SPEN: variants seen among roughly 807,000 people sequenced by gnomAD.
The protein encoded by SPEN is msx2-interacting protein.
In SPEN, 18 loss-of-function variants were observed where a neutral mutation model predicts 269.9. The ratio of observed to expected loss-of-function variants is 0.07; its 90% confidence interval spans 0.05 to 0.10. The LOEUF is 0.10. Ranked by LOEUF, SPEN falls within the 10% of genes least tolerant of loss-of-function variation. SPEN has a pLI of 1.00. For missense variants in SPEN, 3,822 were observed against 4,631.2 expected (o/e 0.83, Z 5.07); for synonymous variants, 1,726 against 1,765.7 (o/e 0.98, Z 0.56).
Position 15,937,004 on chromosome 1 carries a change from G to A in SPEN, c.10027-159G>A, listed in dbSNP as rs1429291387. On this transcript the variant is annotated intron_variant, in intron 11 of 14. Coordinates refer to ENST00000375759, the MANE Select transcript of SPEN (RefSeq NM_015001.3). This position sits in a 1 kb window ranked among gnomAD's most constrained non-coding sequence, Gnocchi z 5.7. ...GGGATCTCTCCTTACCTGGAACCCC[G>A]AAAGCAGCTCCGTTGATTCAGGCTC... is the stretch of plus-strand genomic sequence containing the variant. Among the ~76,000 whole-genome samples, 2 of 152,064 alleles carry A rather than the reference G, an allele frequency of 1.3e-5. No homozygotes were observed. Among genetic ancestry groups the A allele is most frequent in the Admixed American group, 6.5e-5 (1 of 15,272 alleles).
At position 15,928,335 on chromosome 1, in the gene SPEN, C is replaced by G; in HGVS notation, c.2095C>G (p.Gln699Glu). The change falls in exon 11 of 15, where the codon CAA becomes GAA. Residue 699 changes from glutamine (Q) to glutamate (E), a missense_variant. By Grantham distance (29) the Gln-to-Glu change is conservative (BLOSUM62 2). This residue lies in a region of SPEN where 572 missense variants were observed against 582.6 expected (regional missense o/e 0.98). Transcript: ENST00000375759. The surrounding 1 kb of genome is among the most constrained non-coding windows in gnomAD (Gnocchi z 5.7). ...AGATATTAGGGAATATAGTTACAGGCAAAGGGAACGAGAAAGAGAACGTGA... is the reference window on the plus strand; with the variant it reads ...AGATATTAGGGAATATAGTTACAGGGAAAGGGAACGAGAAAGAGAACGTGA... Reference protein sequence around the residue: ...EQDIREYSYRQRERERERERF... With the variant: ...EQDIREYSYRERERERERERF... The G allele has an allele frequency of 6.2e-7, 1 of 1,614,114 alleles. No individual in the cohort carries two copies. The highest frequency in any genetic ancestry group is 1.1e-5 in the South Asian group (1 of 91,084).
At chr1:15,879,774 C>T (rs2070669079) in intron 3 of SPEN, among the ~76,000 whole-genome samples, 1 of 151,860 alleles carries the variant, frequency 6.6e-6, no homozygotes, top group South Asian at 2.1e-4. Context: ...GGGTTCACGC[C>T]ATTCTTCTGC....
At chr1:15,897,411 G>A (rs1231537604) in intron 3 of SPEN, among the ~76,000 whole-genome samples, 1 of 150,980 alleles carries the variant, frequency 6.6e-6, no homozygotes, top group African/African-American at 2.4e-5. Flanking sequence ...TGCCCAGGGT[G>A]GAGTGCAGTG....
intron 5 of SPEN, among the ~76,000 whole-genome samples, chr1:15,913,445 C>T (rs1457926627): frequency 6.6e-6 from 1 of 151,956 alleles, no homozygotes; most frequent in Admixed American, 6.5e-5. Flanking sequence ...CGTGGTGGCT[C>T]ACACCTTGAT....
chr1:15,876,177 ATAT>A, intron 2 of SPEN, 22 bp from the exon 3 acceptor site: 1 of 1,572,694 alleles, frequency 6.4e-7, no homozygotes, highest in Non-Finnish European at 8.7e-7. Flanking sequence ...TTCTGATTAA[ATAT>A]TTTTCCCCCT....
At chr1:15,916,008 T>G in intron 5 of SPEN, 120 bp from the exon 6 acceptor site, 4 of 1,155,288 alleles carry the variant, frequency 3.5e-6, no homozygotes, top group Non-Finnish European at 4.8e-6. Context: ...TCAGTTTATG[T>G]GAGTATTCAA....
intron 3 of SPEN, among the ~76,000 whole-genome samples, chr1:15,895,678 CTTTTTTTTT>C (rs746305617): frequency 3.1e-5 from 4 of 129,690 alleles, no homozygotes; most frequent in Non-Finnish European, 6.5e-5. Flanking sequence ...TATACTTAAC[CTTTTTTTTT>C]TTTTTTTTTT....
intron 1 of SPEN, among the ~76,000 whole-genome samples, chr1:15,859,824 A>G (rs1439211962): frequency 1.3e-5 from 2 of 149,748 alleles, no homozygotes; most frequent in East Asian, 4.0e-4. Context: ...TTAGTTCTAG[A>G]GATGCTATAA....
chr1:15,931,708 G>C lies in SPEN; in HGVS notation c.5468G>C (p.Arg1823Pro). 1.9e-6 allele frequency: 3 copies of C among 1,614,132 alleles called. No individual in the cohort carries two copies. The South Asian group carries it at 3.3e-5, about 18-fold the overall frequency. Residue 1823 changes from arginine (R) to proline (P), a missense_variant, in exon 11 of 15, where the codon CGT becomes CCT. Physicochemically the swap from Arg to Pro is moderately radical, Grantham distance 103. Around this residue, in one of 16 missense-constraint regions of SPEN, gnomAD observed 533 missense variants for 618.8 expected, o/e 0.86. Coordinates refer to ENST00000375759, the MANE Select transcript of SPEN (RefSeq NM_015001.3). The surrounding 1 kb of genome is among the most constrained non-coding windows in gnomAD (Gnocchi z 4.8). ...AKDKKPNKSKRSKTPVQAAAV... is the reference protein window; with the variant it reads ...AKDKKPNKSKPSKTPVQAAAV... ...GATAAAAAGCCAAACAAAAGCAAGCGTTCAAAGACCCCTGTTCAGGCAGCT... is the reference window on the plus strand; with the variant it reads ...GATAAAAAGCCAAACAAAAGCAAGCCTTCAAAGACCCCTGTTCAGGCAGCT...
rs766325423 is a variant in SPEN, at chr1:15,918,228, T to A, written c.1396-698T>A. On this transcript the variant is annotated intron_variant, in intron 6 of 14. Transcript: ENST00000375759. The stretch of plus-strand genomic sequence containing the variant: ...ATCTTCTCAGATATCATATTTTATT[T>A]TATTTATTTATTTTTAAGACGGAGT... Among the ~76,000 whole-genome samples the A allele has an allele frequency of 2.0e-5, 3 of 152,152 alleles. No individual in the cohort carries two copies. The East Asian group carries it at 5.8e-4, about 29-fold the overall frequency.
At chr1:15,866,444 C>T (rs549628348) in intron 1 of SPEN, among the ~76,000 whole-genome samples, 89 of 152,270 alleles carry the variant, frequency 5.8e-4, no homozygotes, top group Non-Finnish European at 9.6e-4. Flanking sequence ...AGCTCTGCCT[C>T]CCGGGTTCAC....
chr1:15,887,436 C>T (rs978561379), intron 3 of SPEN, among the ~76,000 whole-genome samples: 1 of 151,574 alleles, frequency 6.6e-6, no homozygotes, highest in Non-Finnish European at 1.5e-5. Flanking sequence ...CGCCCGCCAC[C>T]ACGCCCAGCT....
At position 15,939,552 on chromosome 1, in the gene SPEN, G is replaced by T; in HGVS notation, c.*125G>T. Reference sequence around the variant, plus strand: ...AGACTCCACTGCCAGACGGCCAGCCGTTTGCTGTCCTGCCGCCCGGCTCAG... The same window carrying T: ...AGACTCCACTGCCAGACGGCCAGCCTTTTGCTGTCCTGCCGCCCGGCTCAG... On this transcript the variant is annotated 3_prime_UTR_variant, in exon 15 of 15. Coordinates refer to ENST00000375759, the MANE Select transcript of SPEN (RefSeq NM_015001.3). This position sits in a 1 kb window ranked among gnomAD's most constrained non-coding sequence, Gnocchi z 4.1. The T allele has an allele frequency of 1.6e-6, 2 of 1,244,288 alleles. No homozygotes were observed. Among genetic ancestry groups the T allele is most frequent in the Non-Finnish European group, 2.2e-6 (2 of 928,114 alleles). The allele number at this position is 1,244,288 out of a possible 1,614,324, so 77.1% of individuals were successfully genotyped here. A position where few individuals can be genotyped will look rare whatever the true frequency, so the allele number is the denominator to read the frequency against.
Position 15,939,189 on chromosome 1 carries a change from G to A in SPEN, c.10864-107G>A. 1 of 1,430,168 alleles carries A rather than the reference G, an allele frequency of 7.0e-7. No individual in the cohort carries two copies. The highest frequency in any genetic ancestry group is 9.3e-7 in the Non-Finnish European group (1 of 1,071,480). The allele number at this position is 1,430,168 out of a possible 1,614,324, so 88.6% of individuals were successfully genotyped here. A position where few individuals can be genotyped will look rare whatever the true frequency, so the allele number is the denominator to read the frequency against. On this transcript the variant is annotated intron_variant, in intron 14 of 14. Coordinates refer to ENST00000375759, the MANE Select transcript of SPEN (RefSeq NM_015001.3). The surrounding 1 kb of genome is among the most constrained non-coding windows in gnomAD (Gnocchi z 4.1). Reference sequence around the variant, plus strand: ...CTGGCACATTTGCTGGTTGGGGACTGATTTGGCCTGGCTCTTAGCATTGGG... The same window carrying A: ...CTGGCACATTTGCTGGTTGGGGACTAATTTGGCCTGGCTCTTAGCATTGGG...
chr1:15,876,790 A>G lies in SPEN; in HGVS notation c.881+112A>G, dbSNP rs2070635429. 11 of 831,606 alleles carry G rather than the reference A, an allele frequency of 1.3e-5. No homozygotes were observed. The Admixed American group carries it at 1.4e-4, about 10-fold the overall frequency. The allele number at this position is 831,606 out of a possible 1,614,324, so 51.5% of individuals were successfully genotyped here. The stretch of plus-strand genomic sequence containing the variant: ...ATTTTTTAAAGTAATCTTGGATCAT[A>G]TATGTATGTAATCAGTAAAGAAACT... On this transcript the variant is annotated intron_variant, in intron 3 of 14. Transcript: ENST00000375759.
At chr1:15,852,694 G>C (rs56021095) in intron 1 of SPEN, among the ~76,000 whole-genome samples, 1,747 of 152,114 alleles carry the variant, frequency 0.011, 27 homozygotes, top group African/African-American at 0.039. Context: ...CTTGATTTAT[G>C]GGACATTTTA....
intron 10 of SPEN, among the ~76,000 whole-genome samples, chr1:15,924,121 C>G (rs2071144711): frequency 6.6e-6 from 1 of 152,114 alleles, no homozygotes; most frequent in Non-Finnish European, 1.5e-5. Flanking sequence ...GCTCGATAGA[C>G]TGTTTTCTCA....
chr1:15,848,024 G>A lies in SPEN; in HGVS notation c.-44G>A, dbSNP rs1454243333. 2.2e-6 allele frequency: 3 copies of A among 1,336,124 alleles called. No individual in the cohort carries two copies. Among genetic ancestry groups the A allele is most frequent in the Non-Finnish European group, 3.0e-6 (3 of 1,011,484 alleles). The allele number at this position is 1,336,124 out of a possible 1,614,324, so 82.8% of individuals were successfully genotyped here. ...GCGCTGACGGTCTCGTACGAAGCCG[G>A]CGAGGGGGAGCCAGCAGCGGCGGTC... is the stretch of plus-strand genomic sequence containing the variant. On this transcript the variant is annotated 5_prime_UTR_variant, in exon 1 of 15. Transcript: ENST00000375759. The surrounding 1 kb of genome is among the most constrained non-coding windows in gnomAD (Gnocchi z 5.1).
At chr1:15,926,437 T>C (rs942295257) in intron 10 of SPEN, among the ~76,000 whole-genome samples, 6 of 151,802 alleles carry the variant, frequency 4.0e-5, no homozygotes, top group African/African-American at 1.5e-4. Flanking sequence ...TTACAAAATA[T>C]ACATATTTAT....
Sources: gnomAD v4.1 joint callset for allele counts (sites outside exome capture counted in the v4.1 genomes callset) on GRCh38, gnomAD v4.1.1 for gene constraint, gnomAD v4.1.1 regional missense constraint, Gnocchi (gnomAD v3.1) non-coding constraint, MANE v1.5 for transcripts, NCBI Gene and HGNC (gene_info 2026-07-23, HGNC 2026-07-21) for gene names.